Variants in CBLB observed in about 807,000 individuals in gnomAD.
CBLB encodes the protein Cbl proto-oncogene B.
In CBLB, 31 loss-of-function variants were observed where a neutral mutation model predicts 104.9. The observed-to-expected ratio is 0.30, with a 90% CI of 0.22 to 0.40. The LOEUF (loss-of-function observed/expected upper bound fraction) is 0.40. CBLB is among the 10% of genes least tolerant of loss of function. The pLI is 1.00. For missense variants in CBLB, 1,062 were observed against 1,214.6 expected (o/e 0.87, Z 1.87); for synonymous variants, 440 against 422.6 (o/e 1.04, Z -0.51).
chr3:105,741,586 T>C (rs1307338730), intron 6 of CBLB, among the ~76,000 whole-genome samples: 2 of 152,262 alleles, frequency 1.3e-5, no homozygotes, highest in Middle Eastern at 6.8e-3. Flanking sequence ...TTAGTAGAGA[T>C]GGGGTTCACC....
intron 3 of CBLB, among the ~76,000 whole-genome samples, chr3:105,834,696 G>T (rs1190267667): frequency 6.6e-6 from 1 of 152,024 alleles, no homozygotes; most frequent in African/African-American, 2.4e-5. Context: ...AAGCATGACA[G>T]AAGTCAAAAT....
At chr3:105,760,468 A>C (rs2077510421) in intron 4 of CBLB, among the ~76,000 whole-genome samples, 1 of 152,178 alleles carries the variant, frequency 6.6e-6, no homozygotes, top group Admixed American at 6.5e-5. Context: ...GAGATACAGC[A>C]GCTCATGGGT....
chr3:105,853,634 A>G lies in CBLB; in HGVS notation c.199T>C (p.Leu67=), dbSNP rs777887307. 4 of 1,608,392 alleles carry G rather than the reference A, an allele frequency of 2.5e-6. No individual in the cohort carries two copies. Among genetic ancestry groups the G allele is most frequent in the Non-Finnish European group, 3.4e-6 (4 of 1,176,494 alleles). ...AGTATATATGGTGGGCTATTTTTCAACTGAAGTTTGGGATTTTGGCACAGT... is the reference window on the plus strand; with the variant it reads ...AGTATATATGGTGGGCTATTTTTCAGCTGAAGTTTGGGATTTTGGCACAGT... ...VRLCQNPKLQ[L]KNSPPYILDI... The change falls in exon 3 of 19, where the codon TTG becomes CTG. Residue 67 remains leucine (L), a synonymous_variant. Coordinates refer to ENST00000394030, the MANE Select transcript of CBLB (RefSeq NM_170662.5).
chr3:105,798,049 T>C lies in CBLB; in HGVS notation c.420-21507A>G, dbSNP rs555115839. The stretch of plus-strand genomic sequence containing the variant: ...CAACTTACCTTGGCCATTCCAAATT[T>C]TAAATTGACATACATTATCAGAAGT... On this transcript the variant is annotated intron_variant, in intron 3 of 18. Transcript: ENST00000394030. Among the ~76,000 whole-genome samples the C allele has an allele frequency of 6.6e-5, 10 of 152,346 alleles. 1 individual carries two copies. In the South Asian group the frequency reaches 1.9e-3, roughly 28 times the overall value.
rs1382733995 is a variant in CBLB at position 105,683,658 on chromosome 3, TAAC to T, written c.2201+1659_2201+1661del. On this transcript the variant is annotated intron_variant, in intron 14 of 18. Transcript: ENST00000394030. ...GTAAGAGCCAAAGAACCGAAAATTG[TAAC>T]AACTTATATTTGATGAGAAGGAATA... Among the ~76,000 whole-genome samples, 3 of 152,330 alleles carry T rather than the reference TAAC, an allele frequency of 2.0e-5. No homozygotes were observed. In the East Asian group the frequency reaches 5.8e-4, roughly 29 times the overall value.
chr3:105,801,701 G>A (rs2082890152), intron 3 of CBLB, among the ~76,000 whole-genome samples: 1 of 152,240 alleles, frequency 6.6e-6, no homozygotes, highest in African/African-American at 2.4e-5. Context: ...GCAATCTGTT[G>A]TTGTTGCTTT....
chr3:105,705,059 C>T (rs1470118990), intron 10 of CBLB, among the ~76,000 whole-genome samples: 2 of 152,116 alleles, frequency 1.3e-5, no homozygotes, highest in Non-Finnish European at 2.9e-5. Context: ...GTCTAAGTTA[C>T]TAGCTCTTTG....
At chr3:105,685,047 G>T (rs915178213) in intron 14 of CBLB, among the ~76,000 whole-genome samples, 1 of 152,100 alleles carries the variant, frequency 6.6e-6, no homozygotes, top group Non-Finnish European at 1.5e-5. Context: ...TCTAAGGAAG[G>T]TCAGAATAAT....
intron 3 of CBLB, among the ~76,000 whole-genome samples, chr3:105,843,083 T>A (rs903099782): frequency 6.6e-6 from 1 of 152,220 alleles, no homozygotes. Context: ...ACTGTCTATG[T>A]CTGCTTTCCT....
At position 105,751,482 on chromosome 3, in the gene CBLB, T is replaced by C; in HGVS notation, c.703A>G (p.Ile235Val). 6.2e-7 allele frequency: 1 copy of C among 1,610,718 alleles called. No homozygotes were observed. The highest frequency in any genetic ancestry group is 1.1e-5 in the South Asian group (1 of 90,950). Reference sequence around the variant, plus strand: ...CTTACCTGAAACAGCCTGGTAAAAATATCAAATTCAAAAACTGAAATGTAA... The same window carrying C: ...CTTACCTGAAACAGCCTGGTAAAAACATCAAATTCAAAAACTGAAATGTAA... The part of the protein sequence containing the change: ...NDYISVFEFD[I>V]FTRLFQPWGS... Residue 235 changes from isoleucine to valine, a missense_variant, in exon 5 of 19, where the codon ATT (isoleucine) becomes GTT (valine). By Grantham distance (29) the Ile-to-Val change is conservative (BLOSUM62 3). Around this residue, in one of 2 missense-constraint regions of CBLB, gnomAD observed 457 missense variants for 632.0 expected, o/e 0.72. Transcript: ENST00000394030.
intron 16 of CBLB, among the ~76,000 whole-genome samples, chr3:105,679,828 A>G (rs143038338): frequency 4.5e-4 from 69 of 152,208 alleles, no homozygotes; most frequent in African/African-American, 1.6e-3. Context: ...AAATTGGCAC[A>G]CTAATTTCTT....
chr3:105,705,230 T>C (rs1316197653), intron 10 of CBLB, among the ~76,000 whole-genome samples: 1 of 152,256 alleles, frequency 6.6e-6, no homozygotes, highest in Non-Finnish European at 1.5e-5. Context: ...GACAATTTAA[T>C]ATGAACTCAG....
intron 3 of CBLB, among the ~76,000 whole-genome samples, chr3:105,823,714 T>G (rs879273461): frequency 1.6e-4 from 25 of 152,140 alleles, no homozygotes; most frequent in Admixed American, 1.6e-3. Context: ...AAGAGGAGGC[T>G]TTTCTGTCTG....
At chr3:105,800,959 TGA>T (rs1560300951) in intron 3 of CBLB, among the ~76,000 whole-genome samples, 82 of 152,256 alleles carry the variant, frequency 5.4e-4, no homozygotes, top group African/African-American at 1.9e-3. Context: ...ATATGTCATG[TGA>T]AAGTAAGAGG....
chr3:105,765,957 A>G (rs186787511), intron 4 of CBLB, among the ~76,000 whole-genome samples: 9 of 152,324 alleles, frequency 5.9e-5, no homozygotes, highest in Admixed American at 3.9e-4. Flanking sequence ...AGCTCTGGGC[A>G]AAGAAAATTC....
chr3:105,794,479 C>G (rs905779040), intron 3 of CBLB, among the ~76,000 whole-genome samples: 1 of 152,118 alleles, frequency 6.6e-6, no homozygotes, highest in Non-Finnish European at 1.5e-5. Flanking sequence ...TTGAAATAAT[C>G]ACAGAATTGT....
intron 3 of CBLB, among the ~76,000 whole-genome samples, chr3:105,792,350 A>G (rs2081760055): frequency 1.3e-5 from 2 of 152,096 alleles, no homozygotes; most frequent in South Asian, 4.1e-4. Context: ...GTCCCTCCCA[A>G]GTGGGGAGGC....
chr3:105,734,796 C>T (rs1219401607), intron 8 of CBLB, among the ~76,000 whole-genome samples: 1 of 152,168 alleles, frequency 6.6e-6, no homozygotes, highest in Non-Finnish European at 1.5e-5. Flanking sequence ...ATACGCTTTC[C>T]CTAACACTGT....
chr3:105,778,617 G>T (rs2079772543), intron 3 of CBLB, among the ~76,000 whole-genome samples: 1 of 151,946 alleles, frequency 6.6e-6, no homozygotes, highest in Admixed American at 6.6e-5. Flanking sequence ...TTTGATGAAA[G>T]GGGGGAGGGC....
Sources: allele counts gnomAD v4.1 joint callset (sites outside exome capture counted in the v4.1 genomes callset), GRCh38; gene constraint gnomAD v4.1.1; regional missense constraint gnomAD v4.1.1; transcripts MANE v1.5; gene names NCBI Gene and HGNC (gene_info 2026-07-23, HGNC 2026-07-21).